The following VANGL2 variants were observed in gnomAD, a reference collection of about 807,000 sequenced individuals.
The protein encoded by VANGL2 is VANGL planar cell polarity protein 2.
Under a neutral mutation model 50.2 loss-of-function variants are expected in VANGL2, and 14 were observed. The ratio of observed to expected loss-of-function variants is 0.28; its 90% confidence interval spans 0.18 to 0.44. The LOEUF (loss-of-function observed/expected upper bound fraction) is 0.44, where lower values mean the gene tolerates loss of function less well. Among genes scored for constraint, VANGL2 ranks in the 20% least tolerant of loss-of-function variants. VANGL2 has a pLI of 1.00. For missense variants in VANGL2, 533 were observed against 701.5 expected, an observed-to-expected ratio of 0.76 and a Z score of 2.71; for synonymous variants, 295 against 297.2, an observed-to-expected ratio of 0.99 and a Z score of 0.08.
At chr1:160,416,555 G>C (rs1009213797) in intron 3 of VANGL2, among the ~76,000 whole-genome samples, 1 of 152,144 alleles carries the variant, frequency 6.6e-6, no homozygotes, top group African/African-American at 2.4e-5. Flanking sequence ...GAGCAAAGCT[G>C]AGTATTCCTG....
chr1:160,407,962 G>A (rs938745136), intron 1 of VANGL2, among the ~76,000 whole-genome samples: 4 of 152,194 alleles, frequency 2.6e-5, no homozygotes, highest in South Asian at 2.1e-4. Flanking sequence ...CCGTCTTCCC[G>A]CCGGCCCCCA....
At chr1:160,417,390 G>T (rs113009802) in intron 3 of VANGL2, among the ~76,000 whole-genome samples, 2,394 of 152,296 alleles carry the variant, frequency 0.016, 59 homozygotes, top group African/African-American at 0.054. Context: ...GGACTCCTCC[G>T]TGGGATGGCC....
intron 1 of VANGL2, among the ~76,000 whole-genome samples, chr1:160,409,863 G>GTGC (rs563572152): frequency 1.0e-3 from 155 of 152,314 alleles, no homozygotes; most frequent in Non-Finnish European, 1.6e-3. Context: ...AGCACTTTGA[G>GTGC]TGGAACTTAT....
chr1:160,403,171 TC>T (rs1650540226), intron 1 of VANGL2, among the ~76,000 whole-genome samples: 1 of 150,280 alleles, frequency 6.7e-6, no homozygotes, highest in African/African-American at 2.5e-5. Context: ...AATGGATCAT[TC>T]CCCCAAACCC....
intron 4 of VANGL2, among the ~76,000 whole-genome samples, 188 bp from the exon 5 acceptor site, chr1:160,420,223 A>G (rs1478409770): frequency 6.6e-6 from 1 of 152,036 alleles, no homozygotes; most frequent in Non-Finnish European, 1.5e-5. Flanking sequence ...AGGGACTGGC[A>G]GGCCCAGCCC....
chr1:160,415,858 C>T lies in VANGL2; in HGVS notation c.21C>T (p.Tyr7=), dbSNP rs1246955319. 1.2e-6 allele frequency: 2 copies of T among 1,614,006 alleles called. No homozygotes were observed. Among genetic ancestry groups the T allele is most frequent in the Non-Finnish European group, 1.7e-6 (2 of 1,179,968 alleles). Residue 7 remains tyrosine (Y), a synonymous_variant, in exon 2 of 8, where the codon TAC becomes TAT. Transcript: ENST00000368061. MDTESQ[Y]SGYSYKSGHS... is the part of the protein sequence containing the mutation. Reference sequence around the variant, plus strand: ...ACGCCATGGACACCGAGTCCCAGTACTCGGGCTATTCCTACAAGTCGGGCC... The same window carrying T: ...ACGCCATGGACACCGAGTCCCAGTATTCGGGCTATTCCTACAAGTCGGGCC...
At chr1:160,407,087 A>G (rs6663715) in intron 1 of VANGL2, among the ~76,000 whole-genome samples, 17,622 of 152,238 alleles carry the variant, frequency 0.12, 1,710 homozygotes, top group African/African-American at 0.27. Flanking sequence ...CTGAGCCCGA[A>G]GTGTGAATGC....
Position 160,419,636 on chromosome 1 carries a change from T to C in VANGL2, c.800+27T>C. On this transcript the variant is annotated intron_variant, in intron 4 of 7. Coordinates refer to ENST00000368061, the MANE Select transcript of VANGL2 (RefSeq NM_020335.3). The surrounding 1 kb of genome is among the most constrained non-coding windows in gnomAD (Gnocchi z 5.8). The stretch of plus-strand genomic sequence containing the variant: ...TACTAGCCCACGGCTGGAGAAGGGT[T>C]GGGAGGGAAAGGGCATGGGAGGATG... 1.3e-6 allele frequency: 2 copies of C among 1,596,540 alleles called. No homozygotes were observed. Among genetic ancestry groups the C allele is most frequent in the Non-Finnish European group, 1.7e-6 (2 of 1,179,324 alleles).
In VANGL2 at chr1:160,420,912, A is replaced by AGG. The variant is rs1009598819; in HGVS notation, c.938-138_938-137dup. Reference sequence around the variant, plus strand: ...ATGGCCTCTCCCAGAGGTGGCCAGGAGGGTTGGGATTAGGAGGTATTGCTG... The same window carrying AGG: ...ATGGCCTCTCCCAGAGGTGGCCAGGAGGGGGTTGGGATTAGGAGGTATTGCTG... On this transcript the variant is annotated intron_variant, in intron 5 of 7. Transcript: ENST00000368061. 31 of 1,278,882 alleles carry AGG rather than the reference A, an allele frequency of 2.4e-5. No homozygotes were observed. The African/African-American group carries it at 4.3e-4, about 18-fold the overall frequency. The allele number at this position is 1,278,882 out of a possible 1,614,324, so 79.2% of individuals were successfully genotyped here.
At chr1:160,410,519 C>T (rs997450972) in intron 1 of VANGL2, among the ~76,000 whole-genome samples, 1 of 152,140 alleles carries the variant, frequency 6.6e-6, no homozygotes, top group Non-Finnish European at 1.5e-5. Flanking sequence ...TCTGGAGCTG[C>T]CTGCGTCTGG....
At chr1:160,407,825 G>A (rs1319263001) in intron 1 of VANGL2, among the ~76,000 whole-genome samples, 1 of 152,216 alleles carries the variant, frequency 6.6e-6, no homozygotes, top group African/African-American at 2.4e-5. Context: ...GTACGGGCCA[G>A]TTCTCTGCCT....
intron 1 of VANGL2, among the ~76,000 whole-genome samples, chr1:160,412,297 AGT>A (rs1337266012): frequency 4.0e-5 from 6 of 151,790 alleles, no homozygotes; most frequent in Admixed American, 3.9e-4. Flanking sequence ...CCTGGGATCT[AGT>A]GTGTGTGTCT....
chr1:160,403,741 A>T (rs1440461926), intron 1 of VANGL2, among the ~76,000 whole-genome samples: 1 of 152,222 alleles, frequency 6.6e-6, no homozygotes, highest in Non-Finnish European at 1.5e-5. Flanking sequence ...GGTTGGAATT[A>T]GTACTTAACA....
chr1:160,425,647 C>T lies in VANGL2; in HGVS notation c.*269C>T. Reference sequence around the variant, plus strand: ...GTATTACTCTAGGCCCTGCAGGAATCAGTGCCTCTCTCCCTCTTCTTTCCC... The same window carrying T: ...GTATTACTCTAGGCCCTGCAGGAATTAGTGCCTCTCTCCCTCTTCTTTCCC... On this transcript the variant is annotated 3_prime_UTR_variant, in exon 8 of 8. Transcript: ENST00000368061. 2.4e-6 allele frequency: 1 copy of T among 424,446 alleles called. No individual in the cohort carries two copies. Among genetic ancestry groups the T allele is most frequent in the East Asian group, 3.8e-5 (1 of 26,438 alleles). The allele number at this position is 424,446 out of a possible 1,614,324, so 26.3% of individuals were successfully genotyped here. A position where few individuals can be genotyped will look rare whatever the true frequency, so the allele number is the denominator to read the frequency against.
intron 6 of VANGL2, among the ~76,000 whole-genome samples, chr1:160,422,093 C>T (rs1316363615): frequency 6.6e-6 from 1 of 152,148 alleles, no homozygotes; most frequent in African/African-American, 2.4e-5. Flanking sequence ...CAGGACTTGA[C>T]CACGCACCTG....
At chr1:160,421,742 G>A (rs910944405) in intron 6 of VANGL2, among the ~76,000 whole-genome samples, 1 of 152,152 alleles carries the variant, frequency 6.6e-6, no homozygotes, top group Admixed American at 6.5e-5. Flanking sequence ...TGGGAGTCTG[G>A]TAGAAGTGGA....
At chr1:160,409,307 T>G (rs1650795093) in intron 1 of VANGL2, among the ~76,000 whole-genome samples, 2 of 152,320 alleles carry the variant, frequency 1.3e-5, no homozygotes, top group Admixed American at 1.3e-4. Flanking sequence ...GTAGTGGCCA[T>G]GGGCTAGTCA....
intron 1 of VANGL2, among the ~76,000 whole-genome samples, chr1:160,408,047 G>A (rs1040702575): frequency 6.6e-6 from 1 of 152,138 alleles, no homozygotes; most frequent in South Asian, 2.1e-4. Context: ...TCTTCAAGAC[G>A]GACTAGGAAT....
At chr1:160,414,725 G>A (rs1048182093) in intron 1 of VANGL2, among the ~76,000 whole-genome samples, 1 of 151,644 alleles carries the variant, frequency 6.6e-6, no homozygotes, top group African/African-American at 2.4e-5. Flanking sequence ...GGAAGTAAGC[G>A]CTCGGTGGAT....
Sources: allele counts gnomAD v4.1 joint callset (sites outside exome capture counted in the v4.1 genomes callset), GRCh38; gene constraint gnomAD v4.1.1; non-coding constraint Gnocchi (gnomAD v3.1); transcripts MANE v1.5; gene names NCBI Gene and HGNC (gene_info 2026-07-23, HGNC 2026-07-21).